The following UBR1 variants were observed in gnomAD, a reference collection of about 807,000 sequenced individuals.
UBR1 encodes E3 ubiquitin-protein ligase UBR1.
In UBR1, 102 loss-of-function variants were observed where a neutral mutation model predicts 242.1. That is an observed-to-expected ratio of 0.42 (90% CI 0.36 to 0.50). The LOEUF (loss-of-function observed/expected upper bound fraction) is 0.50. UBR1 is among the 20% of genes least tolerant of loss of function. The pLI is 0.01. For synonymous variants in UBR1, 675 were observed against 684.8 expected (o/e 0.99, Z 0.22); for missense variants, 1,772 against 2,101.8 (o/e 0.84, Z 3.07).
intron 3 of UBR1, among the ~76,000 whole-genome samples, 191 bp from the exon 4 acceptor site, chr15:43,075,280 C>T (rs1256291247): frequency 6.6e-6 from 1 of 152,178 alleles, no homozygotes. Context: ...ACCAAAACTT[C>T]CAAATTCTGA....
In UBR1 at chr15:43,047,339, G is replaced by A. The variant is rs192811739; in HGVS notation, c.1540-50C>T. On this transcript the variant is annotated intron_variant, in intron 13 of 46. Coordinates refer to ENST00000290650, the MANE Select transcript of UBR1 (RefSeq NM_174916.3). Reference sequence around the variant, plus strand: ...ACACCTATCTGAGCCCTCTCTCTTTGCTCTGCTCTTGGCAAAATATAAAAC... The same window carrying A: ...ACACCTATCTGAGCCCTCTCTCTTTACTCTGCTCTTGGCAAAATATAAAAC... The A allele has an allele frequency of 1.9e-6, 3 of 1,613,290 alleles. No individual in the cohort carries two copies. In the South Asian group the frequency reaches 3.3e-5, roughly 18 times the overall value.
intron 22 of UBR1, among the ~76,000 whole-genome samples, chr15:43,027,154 A>G (rs1197877126): frequency 1.3e-5 from 2 of 152,146 alleles, no homozygotes; most frequent in Non-Finnish European, 2.9e-5. Flanking sequence ...GGAGTACTCC[A>G]TATTTGTTCT....
chr15:42,984,780 C>T, intron 36 of UBR1, 107 bp downstream of exon 36: 2 of 1,041,406 alleles, frequency 1.9e-6, no homozygotes, highest in South Asian at 2.7e-5. Context: ...TAGAATTCTG[C>T]TAATTTTTAC....
chr15:42,948,233 G>A (rs892497765), intron 46 of UBR1, among the ~76,000 whole-genome samples: 1 of 152,148 alleles, frequency 6.6e-6, no homozygotes. Context: ...GCCATATGTA[G>A]AAAGCTGAAA....
intron 12 of UBR1, among the ~76,000 whole-genome samples, chr15:43,050,369 T>C (rs577909832): frequency 1.3e-5 from 2 of 152,192 alleles, no homozygotes; most frequent in African/African-American, 4.8e-5. Context: ...AAAGTCCTAA[T>C]AGCCAGCATC....
intron 46 of UBR1, among the ~76,000 whole-genome samples, chr15:42,949,007 T>C (rs2141247651): frequency 6.6e-6 from 1 of 152,110 alleles, no homozygotes; most frequent in African/African-American, 2.4e-5. Context: ...CTATTCACAA[T>C]AGCAAAGACT....
At chr15:43,037,930 T>C (rs1463975233) in intron 16 of UBR1, 47 bp from the exon 17 acceptor site, 34 of 1,542,434 alleles carry the variant, frequency 2.2e-5, no homozygotes, top group Non-Finnish European at 3.0e-5. Context: ...AGAGCTTAGA[T>C]GTGTCTCCAA....
chr15:43,020,222 G>T (rs1204116995), intron 27 of UBR1, among the ~76,000 whole-genome samples: 1 of 151,840 alleles, frequency 6.6e-6, no homozygotes, highest in Non-Finnish European at 1.5e-5. Flanking sequence ...TGTATTTTTA[G>T]CAGAGATGAG....
rs2034292007 is a variant in UBR1 at position 43,105,932 on chromosome 15, A to G, written c.81+10T>C. On this transcript the variant is annotated intron_variant, in intron 1 of 46. Transcript: ENST00000290650. ...GGGAGGACAAAAGAGACTTGCCTAT[A>G]GGGACTTACAGATGCCAGACGCTGA... is the stretch of plus-strand genomic sequence containing the variant. 2 of 1,613,450 alleles carry G rather than the reference A, an allele frequency of 1.2e-6. No individual in the cohort carries two copies. The highest frequency in any genetic ancestry group is 2.2e-5 in the East Asian group (1 of 44,872).
chr15:43,104,301 A>G (rs2034271479), intron 1 of UBR1, among the ~76,000 whole-genome samples: 1 of 152,218 alleles, frequency 6.6e-6, no homozygotes, highest in African/African-American at 2.4e-5. Context: ...AAATTAATGT[A>G]TCAAAGCTTT....
intron 42 of UBR1, 105 bp downstream of exon 42, chr15:42,963,830 C>A: frequency 1.2e-6 from 1 of 860,754 alleles, no homozygotes; most frequent in Non-Finnish European, 1.9e-6. Flanking sequence ...ACTTTTGCCA[C>A]CCCTTTAATC....
intron 23 of UBR1, 99 bp downstream of exon 23, chr15:43,026,462 G>C: frequency 1.1e-6 from 1 of 913,514 alleles, no homozygotes; most frequent in South Asian, 1.4e-5. Flanking sequence ...CTATTAATAA[G>C]AACCAGCGTG....
At chr15:43,097,659 AT>A (rs2141370536) in intron 1 of UBR1, among the ~76,000 whole-genome samples, 1 of 152,306 alleles carries the variant, frequency 6.6e-6, no homozygotes, top group Non-Finnish European at 1.5e-5. Flanking sequence ...TGTTGTGGAG[AT>A]GGTTTCTTTT....
At chr15:43,043,562 C>G (rs1567135137) in intron 14 of UBR1, among the ~76,000 whole-genome samples, 167 bp from the exon 15 acceptor site, 1 of 152,178 alleles carries the variant, frequency 6.6e-6, no homozygotes, top group Non-Finnish European at 1.5e-5. Context: ...GTGATTCTCC[C>G]ACCTCAGCCT....
intron 25 of UBR1, among the ~76,000 whole-genome samples, chr15:43,024,410 A>C (rs569584210): frequency 6.6e-6 from 1 of 152,340 alleles, no homozygotes; most frequent in African/African-American, 2.4e-5. Flanking sequence ...ATGAATAATT[A>C]CACTTTTATC....
intron 19 of UBR1, among the ~76,000 whole-genome samples, chr15:43,034,502 A>G (rs555113175): frequency 4.2e-4 from 64 of 152,234 alleles, no homozygotes; most frequent in African/African-American, 1.4e-3. Flanking sequence ...ACAAAGATAA[A>G]AAAGACCAAT....
At chr15:43,014,978 G>A (rs1291109408) in intron 29 of UBR1, among the ~76,000 whole-genome samples, 3 of 150,710 alleles carry the variant, frequency 2.0e-5, no homozygotes, top group Admixed American at 6.6e-5. Flanking sequence ...GGAGGTGGGG[G>A]GTCAGCCCCC....
At chr15:43,089,782 A>G (rs372649050) in intron 1 of UBR1, among the ~76,000 whole-genome samples, 6 of 152,178 alleles carry the variant, frequency 3.9e-5, no homozygotes, top group African/African-American at 1.2e-4. Context: ...TCTAATTCCA[A>G]TCATGAGAAA....
At chr15:43,022,183 T>C (rs895209051) in intron 26 of UBR1, among the ~76,000 whole-genome samples, 1 of 152,194 alleles carries the variant, frequency 6.6e-6, no homozygotes, top group Non-Finnish European at 1.5e-5. Flanking sequence ...ATAATCAACA[T>C]GCCTGGAATG....
Sources: gnomAD v4.1 joint callset for allele counts (sites outside exome capture counted in the v4.1 genomes callset) on GRCh38, gnomAD v4.1.1 for gene constraint, MANE v1.5 for transcripts, NCBI Gene and HGNC (gene_info 2026-07-23, HGNC 2026-07-21) for gene names.